The following TGFB3 variants were observed in gnomAD, a reference collection of about 807,000 sequenced individuals.
The protein encoded by TGFB3 is transforming growth factor beta 3, also known as transforming growth factor beta-3 proprotein.
TGFB3 carries 5 observed loss-of-function variants against 40.1 expected under a neutral mutation model. The ratio of observed to expected loss-of-function variants is 0.12; its 90% CI spans 0.07 to 0.26. TGFB3 has a LOEUF of 0.26. Among genes scored for constraint, TGFB3 ranks in the 10% least tolerant of loss-of-function variants. The pLI is 1.00. For synonymous variants in TGFB3, 184 were observed against 205.6 expected (o/e 0.89, Z 0.90); for missense variants, 373 against 530.1 (o/e 0.70, Z 2.91).
At chr14:75,982,367 C>T (rs1230394285), upstream of TGFB3, among the ~76,000 whole-genome samples, 1 of 152,160 alleles carries the variant, frequency 6.6e-6, no homozygotes, top group African/African-American at 2.4e-5. The surrounding 1 kb of genome is among the most constrained non-coding windows in gnomAD (Gnocchi z 4.0). Flanking sequence ...GGGCCGCCCG[C>T]GGGCCAGGCC....
chr14:75,976,043 AT>A (rs1266763865), intron 1 of TGFB3, among the ~76,000 whole-genome samples: 6 of 152,358 alleles, frequency 3.9e-5, no homozygotes, highest in African/African-American at 1.4e-4. Flanking sequence ...AGCAAAGAAT[AT>A]TCATGTACAG....
Position 75,978,185 on chromosome 14 carries a change from G to A in TGFB3, c.352+2357C>T, listed in dbSNP as rs192365692. 5.1e-4 allele frequency among the ~76,000 whole-genome samples: 78 copies of A among 152,234 alleles called. 1 individual carries two copies. Among genetic ancestry groups the A allele is most frequent in the Non-Finnish European group, 9.1e-4 (62 of 68,004 alleles). The stretch of plus-strand genomic sequence containing the variant: ...GAAGTGAGGAAATATGGAACAGAAC[G>A]TGATCTCATGACCTCCCAGCAGAGG... On this transcript the variant is annotated intron_variant, in intron 1 of 6. Transcript: ENST00000238682. This position sits in a 1 kb window ranked among gnomAD's most constrained non-coding sequence, Gnocchi z 5.0.
rs1379443147 is a variant in TGFB3 at position 75,971,596 on chromosome 14, G to T, written c.475C>A (p.Pro159Thr). ...AEFRVLRVPN[P>T]SSKRNEQRIE... ...CTCTGCTCATTCCGCTTAGAGCTGG[G>T]GTTGGGCACCCGCAAGACCCGGAAT... is the stretch of plus-strand genomic sequence containing the variant. Residue 159 changes from proline (P) to threonine (T), a missense_variant, in exon 2 of 7, where the codon CCC becomes ACC. Transcript: ENST00000238682. This position sits in a 1 kb window ranked among gnomAD's most constrained non-coding sequence, Gnocchi z 4.5. The T allele has an allele frequency of 6.2e-7, 1 of 1,614,222 alleles. No individual in the cohort carries two copies. Among genetic ancestry groups the T allele is most frequent in the Non-Finnish European group, 8.5e-7 (1 of 1,180,040 alleles).
rs1268535487 is a variant in TGFB3 at position 75,978,531 on chromosome 14, C to T, written c.352+2011G>A. Among the ~76,000 whole-genome samples, 8 of 152,240 alleles carry T rather than the reference C, an allele frequency of 5.3e-5. No individual in the cohort carries two copies. The highest frequency in any genetic ancestry group is 1.9e-4 in the East Asian group (1 of 5,198). On this transcript the variant is annotated intron_variant, in intron 1 of 6. Coordinates refer to ENST00000238682, the MANE Select transcript of TGFB3 (RefSeq NM_003239.5). The surrounding 1 kb of genome is among the most constrained non-coding windows in gnomAD (Gnocchi z 5.0). ...TTTGTACCTGTGAGCCTCATAGCATCGCACGTTGGCTCCTCCCCAGCATCC... is the reference window on the plus strand; with the variant it reads ...TTTGTACCTGTGAGCCTCATAGCATTGCACGTTGGCTCCTCCCCAGCATCC...
intron 4 of TGFB3, 85 bp downstream of exon 4, chr14:75,965,503 G>C: frequency 2.6e-6 from 3 of 1,164,958 alleles, no homozygotes; most frequent in Non-Finnish European, 3.9e-6. Context: ...CTTTTCTTGA[G>C]GTCTGGTAAG....
At chr14:75,965,744 G>T in intron 3 of TGFB3, 49 bp from the exon 4 acceptor site, 1 of 1,472,290 alleles carries the variant, frequency 6.8e-7, no homozygotes. Context: ...GTGTGATGGG[G>T]AAGTGTGCCC....
intron 1 of TGFB3, among the ~76,000 whole-genome samples, chr14:75,974,795 A>G (rs1485678050): frequency 6.7e-6 from 1 of 149,834 alleles, no homozygotes; most frequent in Non-Finnish European, 1.5e-5. Context: ...GAAGAAGAAG[A>G]AGAATTGGCA....
chr14:75,958,881 C>G lies in TGFB3; in HGVS notation c.*306G>C, dbSNP rs934887751. 5.1e-6 allele frequency: 2 copies of G among 395,316 alleles called. No individual in the cohort carries two copies. Among genetic ancestry groups the G allele is most frequent in the South Asian group, 4.2e-5 (2 of 47,718 alleles). 24.5% of individuals were successfully genotyped at this position (395,316 alleles called of 1,614,324 possible). A position where few individuals can be genotyped will look rare whatever the true frequency, so the allele number is the denominator to read the frequency against. On this transcript the variant is annotated 3_prime_UTR_variant, in exon 7 of 7. Coordinates refer to ENST00000238682, the MANE Select transcript of TGFB3 (RefSeq NM_003239.5). ...GGGTAGCCCAAATCCCATTGCCACACAACATCTCAACTTACCATCCCTTTC... is the reference window on the plus strand; with the variant it reads ...GGGTAGCCCAAATCCCATTGCCACAGAACATCTCAACTTACCATCCCTTTC...
intron 3 of TGFB3, among the ~76,000 whole-genome samples, chr14:75,969,929 A>G (rs892300172): frequency 1.3e-5 from 2 of 152,194 alleles, no homozygotes; most frequent in Admixed American, 1.3e-4. Context: ...GTCTCGGCCT[A>G]GATATTGCTC....
At position 75,971,357 on chromosome 14, in the gene TGFB3, G is replaced by A. The variant is rs777758230; in HGVS notation, c.517-102C>T. The A allele has an allele frequency of 6.4e-7, 1 of 1,571,826 alleles. No homozygotes were observed. Among genetic ancestry groups the A allele is most frequent in the Non-Finnish European group, 8.7e-7 (1 of 1,148,924 alleles). ...GTGAGGGAGCGATAGGAAACCAGTG[G>A]TTCCTGAATGCCATGGCCCTCGAGC... On this transcript the variant is annotated intron_variant, in intron 2 of 6. Coordinates refer to ENST00000238682, the MANE Select transcript of TGFB3 (RefSeq NM_003239.5). This position sits in a 1 kb window ranked among gnomAD's most constrained non-coding sequence, Gnocchi z 4.5.
In TGFB3 at chr14:75,971,772, G is replaced by C. The variant is rs935691216; in HGVS notation, c.353-54C>G. On this transcript the variant is annotated intron_variant, in intron 1 of 6. Coordinates refer to ENST00000238682, the MANE Select transcript of TGFB3 (RefSeq NM_003239.5). The surrounding 1 kb of genome is among the most constrained non-coding windows in gnomAD (Gnocchi z 4.5). Reference sequence around the variant, plus strand: ...AGCATGAGCGAGACATGCAGGAACAGTGTGCTGCCAACGGACAGGCACCAA... The same window carrying C: ...AGCATGAGCGAGACATGCAGGAACACTGTGCTGCCAACGGACAGGCACCAA... 1 of 1,600,120 alleles carries C rather than the reference G, an allele frequency of 6.2e-7. No individual in the cohort carries two copies. The highest frequency in any genetic ancestry group is 8.5e-7 in the Non-Finnish European group (1 of 1,170,068).
rs1422804503 is a variant in TGFB3, at chr14:75,971,655, A to G, written c.416T>C (p.Val139Ala). 6.2e-7 allele frequency: 1 copy of G among 1,614,196 alleles called. No individual in the cohort carries two copies. Among genetic ancestry groups the G allele is most frequent in the Non-Finnish European group, 8.5e-7 (1 of 1,180,036 alleles). ...GAATAGGTTGGTTCTATTTTTCTCC[A>G]CTGAGGACACATTGAAGCGGAAAAC... ...SKVFRFNVSS[V>A]EKNRTNLFRA... The change falls in exon 2 of 7, where the codon GTG becomes GCG. Residue 139 changes from valine to alanine, a missense_variant. Transcript: ENST00000238682. This position sits in a 1 kb window ranked among gnomAD's most constrained non-coding sequence, Gnocchi z 4.5.
intron 3 of TGFB3, chr14:75,966,535 G>A (rs952479069): frequency 4.6e-5 from 7 of 152,694 alleles, no homozygotes; most frequent in African/African-American, 1.7e-4. Context: ...AACAGCTTGG[G>A]AAGACAGTTG....
chr14:75,959,267 T>C lies in TGFB3; in HGVS notation c.1159A>G (p.Thr387Ala), dbSNP rs533250628. ...CCVPQDLEPL[T>A]ILYYVGRTPK... ...GTCCTCCCAACATAGTACAGGATGG[T>C]CAGGGGCTCCAGGTCCTGGGGCACG... Residue 387 changes from threonine to alanine, a missense_variant, in exon 7 of 7, where the codon ACC becomes GCC. Transcript: ENST00000238682. 1 of 1,614,066 alleles carries C rather than the reference T, an allele frequency of 6.2e-7. No homozygotes were observed. Among genetic ancestry groups the C allele is most frequent in the African/African-American group, 1.3e-5 (1 of 75,006 alleles).
rs1195933723 is a variant in TGFB3 at position 75,980,339 on chromosome 14, G to A, written c.352+203C>T. 2.0e-5 allele frequency among the ~76,000 whole-genome samples: 3 copies of A among 152,140 alleles called. No individual in the cohort carries two copies. Among genetic ancestry groups the A allele is most frequent in the South Asian group, 2.1e-4 (1 of 4,826 alleles). ...CCAGGGCTCCTGGCCTCCCAGAAGC[G>A]CCGGCTCTTAACAGAATGGCTCTAT... On this transcript the variant is annotated intron_variant, in intron 1 of 6. Transcript: ENST00000238682. The surrounding 1 kb of genome is among the most constrained non-coding windows in gnomAD (Gnocchi z 4.3).
chr14:75,974,764 CA>C (rs763057157), intron 1 of TGFB3, among the ~76,000 whole-genome samples: 46 of 110,778 alleles, frequency 4.2e-4, no homozygotes, highest in African/African-American at 8.0e-4. Context: ...GACTCCATCT[CA>C]AAAAAAAAAA....
chr14:75,963,397 A>G lies in TGFB3; in HGVS notation c.845T>C (p.Met282Thr), dbSNP rs781763854. Residue 282 changes from methionine (M) to threonine (T), a missense_variant, in exon 5 of 7, where the codon ATG (methionine) becomes ACG (threonine). Physicochemically the swap from Met to Thr is moderately conservative, Grantham distance 81. Transcript: ENST00000238682. ...DHHNPHLILM[M>T]IPPHRLDNPG... ...GTTGTCGAGCCGGTGTGGGGGAATC[A>G]TCATGAGGATTAGATGAGGGTTGTG... The G allele has an allele frequency of 6.2e-7, 1 of 1,614,172 alleles. No individual in the cohort carries two copies. Among genetic ancestry groups the G allele is most frequent in the South Asian group, 1.1e-5 (1 of 91,074 alleles).
Position 75,971,251 on chromosome 14 carries a change from A to T in TGFB3, c.521T>A (p.Leu174His), listed in dbSNP as rs869025534. The T allele has an allele frequency of 4.3e-6, 7 of 1,614,044 alleles. No homozygotes were observed. Among genetic ancestry groups the T allele is most frequent in the Non-Finnish European group, 4.2e-6 (5 of 1,180,026 alleles). Residue 174 changes from leucine (L) to histidine (H), a missense_variant, in exon 3 of 7, where the codon CTT (leucine) becomes CAT (histidine). By Grantham distance (99) the Leu-to-His change is moderately conservative. Coordinates refer to ENST00000238682, the MANE Select transcript of TGFB3 (RefSeq NM_003239.5). This position sits in a 1 kb window ranked among gnomAD's most constrained non-coding sequence, Gnocchi z 4.5. Reference protein sequence around the residue: ...NEQRIELFQILRPDEHIAKQR... With the variant: ...NEQRIELFQIHRPDEHIAKQR... ...TTTGGCAATGTGCTCATCTGGCCGA[A>T]GGATCTACAGGGCAGAGAAAGGAGT...
At chr14:75,974,931 A>G (rs2035335640) in intron 1 of TGFB3, among the ~76,000 whole-genome samples, 1 of 151,820 alleles carries the variant, frequency 6.6e-6, no homozygotes, top group Non-Finnish European at 1.5e-5. Context: ...TCTCTATAAA[A>G]AATACGAAAA....
Sources: allele counts gnomAD v4.1 joint callset (sites outside exome capture counted in the v4.1 genomes callset), GRCh38; gene constraint gnomAD v4.1.1; non-coding constraint Gnocchi (gnomAD v3.1); transcripts MANE v1.5; gene names NCBI Gene and HGNC (gene_info 2026-07-23, HGNC 2026-07-21).